The following KCNQ1 variants were observed in gnomAD, a reference collection of about 807,000 sequenced individuals.
KCNQ1 encodes potassium voltage-gated channel subfamily Q member 1.
A neutral mutation model predicts 72.4 loss-of-function variants in KCNQ1; 49 were observed. The ratio of observed to expected loss-of-function variants is 0.68; its 90% CI spans 0.54 to 0.86. KCNQ1 has a LOEUF of 0.86. Ranked by LOEUF, KCNQ1 falls within the 40% of genes least tolerant of loss-of-function variation. The pLI, the probability that KCNQ1 is intolerant of heterozygous loss-of-function variation, is 0.00. For synonymous variants in KCNQ1, 450 were observed against 412.6 expected, an observed-to-expected ratio of 1.09 and a Z score of -1.10; for missense variants, 790 against 945.1, an observed-to-expected ratio of 0.84 and a Z score of 2.15.
chr11:2,721,755 G>A (rs930921864), intron 11 of KCNQ1, among the ~76,000 whole-genome samples: 31 of 152,256 alleles, frequency 2.0e-4, no homozygotes, highest in African/African-American at 7.2e-4. Context: ...TGGTCCCCTC[G>A]GCCTGCCTGG....
rs1016582587 is a variant in KCNQ1, at chr11:2,624,832, T to C, written c.1393+35978T>C. ...TACATACCTCATATAAGTGGAAACA[T>C]ACAGTACTTCTCTTCTTGTGACTGC... On this transcript the variant is annotated intron_variant, in intron 10 of 15. Transcript: ENST00000155840. This position sits in a 1 kb window ranked among gnomAD's most constrained non-coding sequence, Gnocchi z 4.9. 5.0e-6 allele frequency: 2 copies of C among 398,624 alleles called. No individual in the cohort carries two copies. The highest frequency in any genetic ancestry group is 2.1e-5 in the African/African-American group (1 of 48,772). 24.7% of individuals were successfully genotyped at this position (398,624 alleles called of 1,614,324 possible). A position where few individuals can be genotyped will look rare whatever the true frequency, so the allele number is the denominator to read the frequency against.
chr11:2,583,301 A>G, intron 6 of KCNQ1, 134 bp from the exon 7 acceptor site: 1 of 738,814 alleles, frequency 1.4e-6, no homozygotes, highest in Non-Finnish European at 2.5e-6. Flanking sequence ...TCGCCGAGTC[A>G]CACGGGGTCG....
chr11:2,738,720 G>C (rs941374134), intron 11 of KCNQ1, among the ~76,000 whole-genome samples: 1 of 152,182 alleles, frequency 6.6e-6, no homozygotes, highest in African/African-American at 2.4e-5. Flanking sequence ...CCACAGCTGG[G>C]CCAGGCTGTC....
chr11:2,503,382 G>T (rs117236107), intron 1 of KCNQ1, among the ~76,000 whole-genome samples: 5,704 of 152,080 alleles, frequency 0.038, 147 homozygotes, highest in Non-Finnish European at 0.056. Flanking sequence ...GACATTTCTC[G>T]AAAGAAGACA....
intron 2 of KCNQ1, among the ~76,000 whole-genome samples, chr11:2,555,112 A>G (rs564466870): frequency 3.9e-5 from 6 of 152,246 alleles, no homozygotes; most frequent in East Asian, 1.9e-4. Flanking sequence ...CAGCTCCTCA[A>G]TCTCTGCTAA....
At chr11:2,607,555 G>C (rs1004620397) in intron 10 of KCNQ1, among the ~76,000 whole-genome samples, 3 of 152,120 alleles carry the variant, frequency 2.0e-5, no homozygotes, top group Non-Finnish European at 4.4e-5. Context: ...GAAGACAACT[G>C]TTCATGAACC....
rs1457606287 is a variant in KCNQ1, at chr11:2,473,911, G to A, written c.386+28427G>A. Among the ~76,000 whole-genome samples the A allele has an allele frequency of 2.0e-5, 3 of 152,206 alleles. No individual in the cohort carries two copies. The highest frequency in any genetic ancestry group is 2.9e-5 in the Non-Finnish European group (2 of 68,026). On this transcript the variant is annotated intron_variant, in intron 1 of 15. Coordinates refer to ENST00000155840, the MANE Select transcript of KCNQ1 (RefSeq NM_000218.3). This position sits in a 1 kb window ranked among gnomAD's most constrained non-coding sequence, Gnocchi z 6.0. ...CTGGGAGAGCCCTGCCTCCCGGAAC[G>A]GACATCCTCCTTCACCAAATCCGCA...
chr11:2,502,530 AT>A (rs772938073), intron 1 of KCNQ1, among the ~76,000 whole-genome samples: 4 of 152,204 alleles, frequency 2.6e-5, no homozygotes, highest in Non-Finnish European at 4.4e-5. Flanking sequence ...GATGCAAGAA[AT>A]TGAAGAGGAC....
chr11:2,756,977 A>C (rs934793587), intron 11 of KCNQ1, among the ~76,000 whole-genome samples: 10 of 133,964 alleles, frequency 7.5e-5, no homozygotes, highest in East Asian at 4.4e-4. Context: ...AAAAAAAAAA[A>C]AAAACCCACA....
chr11:2,617,950 A>G lies in KCNQ1; in HGVS notation c.1393+29096A>G, dbSNP rs921626912. 1.5e-5 allele frequency: 6 copies of G among 398,428 alleles called. No homozygotes were observed. Among genetic ancestry groups the G allele is most frequent in the Admixed American group, 8.8e-5 (2 of 22,704 alleles). 24.7% of individuals were successfully genotyped at this position (398,428 alleles called of 1,614,324 possible). On this transcript the variant is annotated intron_variant, in intron 10 of 15. Transcript: ENST00000155840. This position sits in a 1 kb window ranked among gnomAD's most constrained non-coding sequence, Gnocchi z 4.6. ...TGGATATTATCCTCTTATAAGATAT[A>G]TGGTTGGCAAATATTTTCTTCTAGT...
At chr11:2,800,112 T>A (rs1314765691) in intron 15 of KCNQ1, among the ~76,000 whole-genome samples, 5 of 152,188 alleles carry the variant, frequency 3.3e-5, no homozygotes, top group Non-Finnish European at 7.4e-5. Context: ...ACGTCCACAG[T>A]TCCCAGGGCT....
intron 1 of KCNQ1, among the ~76,000 whole-genome samples, chr11:2,505,905 G>A (rs572548279): frequency 1.2e-4 from 18 of 152,288 alleles, no homozygotes; most frequent in Non-Finnish European, 2.5e-4. Context: ...TAGACAGCAT[G>A]TAGCTGGATC....
chr11:2,688,414 G>A (rs964311411), intron 11 of KCNQ1: 1 of 398,650 alleles, frequency 2.5e-6, no homozygotes, highest in African/African-American at 2.1e-5. Flanking sequence ...CCTCTGTGTA[G>A]GCACTGGGCC....
In KCNQ1 at chr11:2,550,710, A is replaced by T. The variant is rs1847970646; in HGVS notation, c.478-19918A>T. Among the ~76,000 whole-genome samples, 1 of 152,106 alleles carries T rather than the reference A, an allele frequency of 6.6e-6. No homozygotes were observed. Among genetic ancestry groups the T allele is most frequent in the African/African-American group, 2.4e-5 (1 of 41,416 alleles). On this transcript the variant is annotated intron_variant, in intron 2 of 15. Coordinates refer to ENST00000155840, the MANE Select transcript of KCNQ1 (RefSeq NM_000218.3). The surrounding 1 kb of genome is among the most constrained non-coding windows in gnomAD (Gnocchi z 6.0). ...CTGATGTAGGGTCAGGGGCTTCTGGAAGGAGCCTCACAGGAAGGGCAGGGC... is the reference window on the plus strand; with the variant it reads ...CTGATGTAGGGTCAGGGGCTTCTGGTAGGAGCCTCACAGGAAGGGCAGGGC...
chr11:2,461,544 G>T (rs1846278093), intron 1 of KCNQ1: 1 of 1,349,104 alleles, frequency 7.4e-7, no homozygotes, highest in Non-Finnish European at 9.8e-7. Flanking sequence ...GGATGGCACT[G>T]GTGCCGGGCC....
At chr11:2,749,007 AAG>A (rs1165696420) in intron 11 of KCNQ1, among the ~76,000 whole-genome samples, 1 of 152,212 alleles carries the variant, frequency 6.6e-6, no homozygotes, top group Non-Finnish European at 1.5e-5. Context: ...GGAGCAAGGA[AAG>A]AGAGTGGTGG....
intron 1 of KCNQ1, among the ~76,000 whole-genome samples, chr11:2,453,249 T>C (rs1846140818): frequency 6.6e-6 from 1 of 152,140 alleles, no homozygotes; most frequent in Non-Finnish European, 1.5e-5. Flanking sequence ...GGTGCATGCC[T>C]GTAATCCCAG....
rs1190564812 is a variant in KCNQ1 at position 2,547,983 on chromosome 11, G to A, written c.477+19965G>A. The stretch of plus-strand genomic sequence containing the variant: ...CAGAGACAGGGGAGCAGGGAGCGGT[G>A]GGGGATGAGGTCAGGGAGGTGGCAG... On this transcript the variant is annotated intron_variant, in intron 2 of 15. Transcript: ENST00000155840. The surrounding 1 kb of genome is among the most constrained non-coding windows in gnomAD (Gnocchi z 4.2). 1.3e-5 allele frequency among the ~76,000 whole-genome samples: 2 copies of A among 152,204 alleles called. No individual in the cohort carries two copies. Among genetic ancestry groups the A allele is most frequent in the Non-Finnish European group, 2.9e-5 (2 of 68,036 alleles).
intron 1 of KCNQ1, among the ~76,000 whole-genome samples, chr11:2,489,253 A>T (rs1177608531): frequency 3.3e-5 from 5 of 152,216 alleles, no homozygotes; most frequent in African/African-American, 1.2e-4. Flanking sequence ...GGGAAAGTGC[A>T]GTGCTTTGGG....
Sources: gnomAD v4.1 joint callset for allele counts (sites outside exome capture counted in the v4.1 genomes callset) on GRCh38, gnomAD v4.1.1 for gene constraint, Gnocchi (gnomAD v3.1) non-coding constraint, MANE v1.5 for transcripts, NCBI Gene and HGNC (gene_info 2026-07-23, HGNC 2026-07-21) for gene names.